CHD6: variants seen among roughly 807,000 people sequenced by gnomAD.
CHD6 encodes chromodomain helicase DNA binding protein 6.
In CHD6, 50 loss-of-function variants were observed where a neutral mutation model predicts 276.9. The observed-to-expected ratio is 0.18, with a 90% confidence interval of 0.14 to 0.23. CHD6 has a LOEUF of 0.23. Among genes scored for constraint, CHD6 ranks in the 10% least tolerant of loss-of-function variants. The probability of loss-of-function intolerance (pLI) is 1.00; values close to 1 mark genes in which losing one functional copy is unlikely to be tolerated. For missense variants in CHD6, 2,564 were observed against 3,365.8 expected (o/e 0.76, Z 5.89); for synonymous variants, 1,173 against 1,229.3 (o/e 0.95, Z 0.96).
At chr20:41,490,616 G>A (rs1324491513) in intron 11 of CHD6, among the ~76,000 whole-genome samples, 2 of 151,944 alleles carry the variant, frequency 1.3e-5, no homozygotes, top group East Asian at 1.9e-4. Flanking sequence ...AGTTCGAGAC[G>A]AACCTGGCCA....
At chr20:41,586,150 T>C (rs987656918) in intron 1 of CHD6, among the ~76,000 whole-genome samples, 2 of 152,194 alleles carry the variant, frequency 1.3e-5, no homozygotes, top group Non-Finnish European at 2.9e-5. Context: ...CCTCCCATTG[T>C]ATGGGAGCTC....
Position 41,554,515 on chromosome 20 carries a change from T to G in CHD6, c.-23-3155A>C, listed in dbSNP as rs747313097. ...AACAAGTGAACAAAGGTCTCTGGTT[T>G]TCCTAGGCAGAGGACCCTGCGGCCT... On this transcript the variant is annotated intron_variant, in intron 1 of 36. Transcript: ENST00000373233. Among the ~76,000 whole-genome samples, 3 of 151,498 alleles carry G rather than the reference T, an allele frequency of 2.0e-5. No individual in the cohort carries two copies. In the East Asian group the frequency reaches 5.8e-4, roughly 29 times the overall value.
At chr20:41,591,379 T>TACACACACACACACAC (rs201725894) in intron 1 of CHD6, among the ~76,000 whole-genome samples, 6 of 144,100 alleles carry the variant, frequency 4.2e-5, no homozygotes, top group African/African-American at 1.5e-4. Context: ...TATATATATA[T>TACACACACACACACAC]ACACACACAC....
intron 1 of CHD6, among the ~76,000 whole-genome samples, chr20:41,591,278 T>G (rs2045655246): frequency 1.3e-5 from 2 of 150,786 alleles, no homozygotes; most frequent in Non-Finnish European, 3.0e-5. Flanking sequence ...AGTTAATGGG[T>G]ACAGCACACC....
At chr20:41,491,336 A>G (rs1438443856) in intron 11 of CHD6, among the ~76,000 whole-genome samples, 3 of 148,640 alleles carry the variant, frequency 2.0e-5, no homozygotes, top group Admixed American at 2.0e-4. Context: ...ATATATATAT[A>G]TATTTTTTGG....
chr20:41,487,619 A>G lies in CHD6; in HGVS notation c.2001+46T>C, dbSNP rs375068290. On this transcript the variant is annotated intron_variant, in intron 14 of 36. Transcript: ENST00000373233. Reference sequence around the variant, plus strand: ...TAGCATCCTGCTCTTTTCTTGATGAAGATAACGATCACACTGTCTCCTCAA... The same window carrying G: ...TAGCATCCTGCTCTTTTCTTGATGAGGATAACGATCACACTGTCTCCTCAA... The G allele has an allele frequency of 1.2e-4, 191 of 1,548,350 alleles. 1 individual carries two copies. In the African/African-American group the frequency reaches 2.4e-3, roughly 20 times the overall value.
At chr20:41,561,366 T>A (rs1009010500) in intron 1 of CHD6, among the ~76,000 whole-genome samples, 1 of 152,212 alleles carries the variant, frequency 6.6e-6, no homozygotes, top group Non-Finnish European at 1.5e-5. Flanking sequence ...AAAATTTGCA[T>A]GGTTTTCTAT....
intron 16 of CHD6, among the ~76,000 whole-genome samples, chr20:41,477,801 G>A: frequency 6.6e-6 from 1 of 152,174 alleles, no homozygotes; most frequent in Admixed American, 6.5e-5. Flanking sequence ...ATCCCCGAAA[G>A]CAGGGACGCA....
At chr20:41,559,866 TACACACACACACGCACACATACAC>T (rs1440808362) in intron 1 of CHD6, among the ~76,000 whole-genome samples, 3 of 151,330 alleles carry the variant, frequency 2.0e-5, no homozygotes, top group Admixed American at 6.6e-5. Flanking sequence ...GTACCACCTT[TACACACACACACGCACACATACAC>T]ACACACACAC....
rs766269726 is a variant in CHD6 at position 41,421,413 on chromosome 20, T to C, written c.5222A>G (p.Lys1741Arg). ...GCCACCAGACTGGCAGTTCCCATCT[T>C]TGCTTATTGAGATGGTAATAACATC... ...RKDVITISIS[K>R]DGNCQSGGPE... Residue 1741 changes from lysine to arginine, a missense_variant, in exon 31 of 37, where the codon AAA becomes AGA. Physicochemically the swap from Lys to Arg is conservative, Grantham distance 26. Around this residue, in one of 7 missense-constraint regions of CHD6, gnomAD observed 1,024 missense variants for 1,047.9 expected, o/e 0.98. Coordinates refer to ENST00000373233, the MANE Select transcript of CHD6 (RefSeq NM_032221.5). 5.6e-6 allele frequency: 9 copies of C among 1,614,024 alleles called. No individual in the cohort carries two copies. In the East Asian group the frequency reaches 1.8e-4, roughly 32 times the overall value.
chr20:41,465,300 G>A (rs528117952), intron 17 of CHD6, among the ~76,000 whole-genome samples: 1 of 152,304 alleles, frequency 6.6e-6, no homozygotes, highest in East Asian at 1.9e-4. Context: ...TACATCACGA[G>A]TAATAAGATG....
At chr20:41,478,674 C>T (rs6129846) in intron 16 of CHD6, among the ~76,000 whole-genome samples, 22,566 of 152,150 alleles carry the variant, frequency 0.15, 2,541 homozygotes, top group East Asian at 0.31. Context: ...CACACTTGCT[C>T]GGGCCTGATT....
At chr20:41,462,678 G>T (rs1201675515) in intron 17 of CHD6, among the ~76,000 whole-genome samples, 2 of 152,184 alleles carry the variant, frequency 1.3e-5, no homozygotes, top group African/African-American at 4.8e-5. Flanking sequence ...AGGTGTACAT[G>T]TGTATTTATA....
chr20:41,429,931 C>G (rs867851120), intron 27 of CHD6, among the ~76,000 whole-genome samples: 10 of 152,218 alleles, frequency 6.6e-5, no homozygotes, highest in African/African-American at 2.4e-4. Context: ...GGTTGCCTTT[C>G]TATGCCTAGG....
At position 41,521,750 on chromosome 20, in the gene CHD6, C is replaced by A. The variant is rs139030389; in HGVS notation, c.555-6798G>T. ...GAAATGGCTGATTCCAAAGCTAAAG[C>A]AGGGAAGACAGACGATGAGCCCGAA... On this transcript the variant is annotated intron_variant, in intron 3 of 36. Transcript: ENST00000373233. Among the ~76,000 whole-genome samples, 89 of 152,250 alleles carry A rather than the reference C, an allele frequency of 5.8e-4. 1 individual carries two copies. The East Asian group carries it at 0.016, about 27-fold the overall frequency.
chr20:41,403,667 T>C lies in CHD6; in HGVS notation c.*926A>G. On this transcript the variant is annotated 3_prime_UTR_variant, in exon 37 of 37. Transcript: ENST00000373233. ...CAGGCTCCAGAAAGAACCTTATTCTTGGTGAAGGAAAGCCTGAAGTGAAAA... is the reference window on the plus strand; with the variant it reads ...CAGGCTCCAGAAAGAACCTTATTCTCGGTGAAGGAAAGCCTGAAGTGAAAA... The C allele has an allele frequency of 9.4e-7, 1 of 1,060,534 alleles. No individual in the cohort carries two copies. The highest frequency in any genetic ancestry group is 4.6e-5 in the South Asian group (1 of 21,946). The allele number at this position is 1,060,534 out of a possible 1,614,324, so 65.7% of individuals were successfully genotyped here. A position where few individuals can be genotyped will look rare whatever the true frequency, so the allele number is the denominator to read the frequency against.
intron 1 of CHD6, among the ~76,000 whole-genome samples, chr20:41,613,519 C>G (rs1022928781): frequency 6.6e-6 from 1 of 152,062 alleles, no homozygotes; most frequent in African/African-American, 2.4e-5. Context: ...GTGATCACAG[C>G]GAGGGAAGAA....
At position 41,491,695 on chromosome 20, in the gene CHD6, T is replaced by C; in HGVS notation, c.1436+3A>G. ...AACATCTGGGCTGGTTTTGGTTCCT[T>C]ACCTGTTATACCAGTTAAAAAGAAG... On this transcript the variant is annotated splice_donor_region_variant and intron_variant, in intron 11 of 36. Transcript: ENST00000373233. 1 of 1,613,766 alleles carries C rather than the reference T, an allele frequency of 6.2e-7. No individual in the cohort carries two copies.
At chr20:41,439,244 T>C (rs2047819524) in intron 26 of CHD6, among the ~76,000 whole-genome samples, 1 of 151,838 alleles carries the variant, frequency 6.6e-6, no homozygotes, top group Admixed American at 6.6e-5. Flanking sequence ...TAGTTCCAGC[T>C]ACTCAGGAGG....
Sources: gnomAD v4.1 joint callset for allele counts (sites outside exome capture counted in the v4.1 genomes callset) on GRCh38, gnomAD v4.1.1 for gene constraint, gnomAD v4.1.1 regional missense constraint, MANE v1.5 for transcripts, NCBI Gene and HGNC (gene_info 2026-07-23, HGNC 2026-07-21) for gene names.